The following ZNF536 variants were observed in gnomAD, a reference collection of about 807,000 sequenced individuals.
ZNF536 encodes the protein zinc finger protein 536.
ZNF536 carries 13 observed loss-of-function variants against 84.5 expected under a neutral mutation model. That is an observed-to-expected ratio of 0.15 (90% CI 0.10 to 0.24). The LOEUF (loss-of-function observed/expected upper bound fraction) is 0.24. Ranked by LOEUF, ZNF536 falls within the 10% of genes least tolerant of loss-of-function variation. The pLI, the probability that ZNF536 is intolerant of heterozygous loss-of-function variation, is 1.00. For missense variants in ZNF536, 1,536 were observed against 1,747.5 expected, an observed-to-expected ratio of 0.88 and a Z score of 2.16; for synonymous variants, 811 against 742.5, an observed-to-expected ratio of 1.09 and a Z score of -1.50.
chr19:30,398,411 T>A (rs952983322), intron 1 of ZNF536, among the ~76,000 whole-genome samples: 2 of 151,234 alleles, frequency 1.3e-5, no homozygotes, highest in African/African-American at 2.4e-5. Context: ...AAATTATAGT[T>A]TAAGTTATAG....
intron 1 of ZNF536, among the ~76,000 whole-genome samples, chr19:30,232,140 C>G (rs2023101966): frequency 6.6e-6 from 1 of 152,174 alleles, no homozygotes; most frequent in African/African-American, 2.4e-5. Context: ...ATCTGGCCCA[C>G]CTGGGGTGGG....
chr19:30,368,234 C>T (rs958307693), upstream of ZNF536, among the ~76,000 whole-genome samples: 1 of 152,226 alleles, frequency 6.6e-6, no homozygotes, highest in Admixed American at 6.5e-5. Flanking sequence ...GGGTGGGGCC[C>T]GAAACACAAG....
intron 1 of ZNF536, among the ~76,000 whole-genome samples, chr19:30,429,967 G>T (rs927227802): frequency 6.6e-6 from 1 of 151,344 alleles, no homozygotes; most frequent in Non-Finnish European, 1.5e-5. Flanking sequence ...CTGGATAAGG[G>T]TACAGGGTGG....
intron 2 of ZNF536, among the ~76,000 whole-genome samples, chr19:30,516,303 C>T (rs2044071307): frequency 1.3e-5 from 2 of 152,304 alleles, no homozygotes; most frequent in South Asian, 2.1e-4. Flanking sequence ...CAGCTTCTCC[C>T]TGCACGGACC....
At chr19:30,472,393 C>T (rs990421639) in intron 2 of ZNF536, among the ~76,000 whole-genome samples, 5 of 152,142 alleles carry the variant, frequency 3.3e-5, no homozygotes, top group African/African-American at 9.7e-5. Context: ...TAACGATGCC[C>T]GGTATCTCAC....
rs2047456028 is a variant in ZNF536, at chr19:30,596,156, A to C, written c.169+46642A>C. 3.3e-5 allele frequency among the ~76,000 whole-genome samples: 5 copies of C among 152,346 alleles called. No individual in the cohort carries two copies. The South Asian group carries it at 6.2e-4, about 19-fold the overall frequency. ...GCAGAGCTATTTTGGGCAACAATTA[A>C]ATAAAAGCCAATTTGACTAAAAAGC... On this transcript the variant is annotated intron_variant, in intron 1 of 1. Coordinates refer to the ZNF536 transcript ENST00000592773.
chr19:30,621,586 C>A (rs1343952386), intron 1 of ZNF536, among the ~76,000 whole-genome samples: 1 of 152,230 alleles, frequency 6.6e-6, no homozygotes, highest in African/African-American at 2.4e-5. Context: ...GACCTAAAAA[C>A]AATATCTTTA....
intron 2 of ZNF536, among the ~76,000 whole-genome samples, chr19:30,307,387 C>CAAA (rs36015954): frequency 1.9e-4 from 27 of 141,936 alleles, no homozygotes; most frequent in African/African-American, 4.4e-4. Context: ...AGAGGACGTG[C>CAAA]AAAAAAAAAA....
intron 2 of ZNF536, among the ~76,000 whole-genome samples, chr19:30,336,846 G>A (rs534498023): frequency 6.6e-6 from 1 of 152,344 alleles, no homozygotes; most frequent in African/African-American, 2.4e-5. Context: ...GAGGATGGCA[G>A]CTGATGATGG....
chr19:30,597,839 GTTA>G (rs1302736457), intron 1 of ZNF536, among the ~76,000 whole-genome samples: 1 of 151,954 alleles, frequency 6.6e-6, no homozygotes, highest in African/African-American at 2.4e-5. Flanking sequence ...GCATGCATTT[GTTA>G]TTATTGTCGT....
intron 1 of ZNF536, among the ~76,000 whole-genome samples, chr19:30,579,338 G>A (rs538370625): frequency 2.0e-5 from 3 of 152,320 alleles, no homozygotes; most frequent in South Asian, 2.1e-4. Flanking sequence ...TCAGCTGGGT[G>A]ATCCTGCTGA....
chr19:30,275,827 G>T (rs995284932), intron 1 of ZNF536, among the ~76,000 whole-genome samples: 1 of 118,010 alleles, frequency 8.5e-6, no homozygotes, highest in African/African-American at 3.2e-5. Context: ...CCCTCAGAAG[G>T]TGTGTGTGTG....
At chr19:30,679,411 T>TG (rs2050880520) in intron 1 of ZNF536, among the ~76,000 whole-genome samples, 1 of 152,174 alleles carries the variant, frequency 6.6e-6, no homozygotes, top group African/African-American at 2.4e-5. Flanking sequence ...ACAAGGTGGC[T>TG]GGGGGTGGCG....
At chr19:30,285,321 A>T (rs1248891138) in intron 2 of ZNF536, among the ~76,000 whole-genome samples, 1 of 152,100 alleles carries the variant, frequency 6.6e-6, no homozygotes, top group Non-Finnish European at 1.5e-5. Flanking sequence ...ACTGGGCTTG[A>T]TGGGTGAACT....
At chr19:30,477,034 C>A (rs907541779) in intron 2 of ZNF536, among the ~76,000 whole-genome samples, 4 of 152,154 alleles carry the variant, frequency 2.6e-5, no homozygotes, top group Admixed American at 2.6e-4. Flanking sequence ...AATGATCCTT[C>A]TGCCTTGGCC....
chr19:30,538,907 C>G (rs890941537), intron 3 of ZNF536, among the ~76,000 whole-genome samples: 5 of 151,896 alleles, frequency 3.3e-5, no homozygotes, highest in Admixed American at 6.6e-5. Context: ...GAAACAGCAC[C>G]GATAGGAAAT....
chr19:30,297,027 G>A (rs955205966), intron 2 of ZNF536, among the ~76,000 whole-genome samples: 4 of 152,186 alleles, frequency 2.6e-5, no homozygotes, highest in African/African-American at 7.2e-5. Flanking sequence ...GATCAGGCAC[G>A]AGGCCCCAGC....
intron 1 of ZNF536, among the ~76,000 whole-genome samples, chr19:30,651,990 A>G (rs1268062274): frequency 6.6e-6 from 1 of 152,172 alleles, no homozygotes; most frequent in Non-Finnish European, 1.5e-5. Flanking sequence ...TGCAGGAAGA[A>G]TTTTTACCTC....
At chr19:30,237,236 T>C (rs1187124176) in intron 1 of ZNF536, among the ~76,000 whole-genome samples, 1 of 152,098 alleles carries the variant, frequency 6.6e-6, no homozygotes, top group African/African-American at 2.4e-5. Flanking sequence ...CCACCTTCAA[T>C]AAAATAATTT....
Sources: gnomAD v4.1 joint callset for allele counts (sites outside exome capture counted in the v4.1 genomes callset) on GRCh38, gnomAD v4.1.1 for gene constraint, MANE v1.5 for transcripts, NCBI Gene and HGNC (gene_info 2026-07-23, HGNC 2026-07-21) for gene names.